ADAMTS10: variants seen among roughly 807,000 people sequenced by gnomAD.
ADAMTS10 encodes ADAM metallopeptidase with thrombospondin type 1 motif 10, also known as A disintegrin and metalloproteinase with thrombospondin motifs 10.
Under a neutral mutation model 135.9 loss-of-function variants are expected in ADAMTS10, and 48 were observed. The ratio of observed to expected loss-of-function variants is 0.35; its 90% CI spans 0.28 to 0.45. The LOEUF (loss-of-function observed/expected upper bound fraction) is 0.45, where lower values mean the gene tolerates loss of function less well. ADAMTS10 is among the 20% of genes least tolerant of loss of function. The pLI is 1.00. For synonymous variants in ADAMTS10, 621 were observed against 647.5 expected (o/e 0.96, Z 0.62); for missense variants, 1,131 against 1,565.2 (o/e 0.72, Z 4.68).
At position 8,596,726 on chromosome 19, in the gene ADAMTS10, T is replaced by C; in HGVS notation, c.1041-141A>G. The C allele has an allele frequency of 8.9e-7, 1 of 1,125,258 alleles. No homozygotes were observed. The highest frequency in any genetic ancestry group is 1.5e-5 in the South Asian group (1 of 68,908). The allele number at this position is 1,125,258 out of a possible 1,614,324, so 69.7% of individuals were successfully genotyped here. Reference sequence around the variant, plus strand: ...ACCTGAAGCTGCATACAGGAGTGACTGACCACATGAATGAATGAATGCATG... The same window carrying C: ...ACCTGAAGCTGCATACAGGAGTGACCGACCACATGAATGAATGAATGCATG... On this transcript the variant is annotated intron_variant, in intron 8 of 25. Transcript: ENST00000597188. The surrounding 1 kb of genome is among the most constrained non-coding windows in gnomAD (Gnocchi z 7.2).
intron 1 of ADAMTS10, among the ~76,000 whole-genome samples, chr19:8,610,000 CAGAG>C (rs1161376023): frequency 6.6e-6 from 1 of 151,910 alleles, no homozygotes; most frequent in African/African-American, 2.4e-5. Context: ...CGGGACAAGA[CAGAG>C]AAACACGCGG....
chr19:8,600,636 C>G (rs1311796928), intron 6 of ADAMTS10, among the ~76,000 whole-genome samples: 1 of 151,350 alleles, frequency 6.6e-6, no homozygotes, highest in Non-Finnish European at 1.5e-5. Flanking sequence ...GTAGCTGGGA[C>G]TACAGGCGCC....
At chr19:8,586,057 C>A in intron 22 of ADAMTS10, 65 bp downstream of exon 22, 2 of 1,610,272 alleles carry the variant, frequency 1.2e-6, no homozygotes, top group Admixed American at 1.7e-5. Flanking sequence ...CTGGAGCACT[C>A]GCTCTTGACT....
At chr19:8,585,349 C>T (rs2042412598) in intron 23 of ADAMTS10, 41 bp from the exon 24 acceptor site, 1 of 1,533,892 alleles carries the variant, frequency 6.5e-7, no homozygotes, top group Non-Finnish European at 8.7e-7. Context: ...GGTGCTGCCC[C>T]AGTGCGAAGT....
rs1555742409 is a variant in ADAMTS10, at chr19:8,605,468, T to G, written c.89-110A>C. 1 of 1,469,400 alleles carries G rather than the reference T, an allele frequency of 6.8e-7. No homozygotes were observed. Among genetic ancestry groups the G allele is most frequent in the African/African-American group, 1.4e-5 (1 of 71,384 alleles). The allele number at this position is 1,469,400 out of a possible 1,614,324, so 91.0% of individuals were successfully genotyped here. On this transcript the variant is annotated intron_variant, in intron 3 of 25. Coordinates refer to ENST00000597188, the MANE Select transcript of ADAMTS10 (RefSeq NM_030957.4). This position sits in a 1 kb window ranked among gnomAD's most constrained non-coding sequence, Gnocchi z 7.7. ...ATGCTGGCCTCACTGACCCCCGAAA[T>G]CCAGGGAGTTGGCTGCAAGGCTCCC...
At chr19:8,603,399 C>T (rs782749425) in intron 5 of ADAMTS10, among the ~76,000 whole-genome samples, 17 of 152,078 alleles carry the variant, frequency 1.1e-4, no homozygotes, top group African/African-American at 3.1e-4. Context: ...CTCAGCCTCC[C>T]GAGTAGCTGG....
In ADAMTS10 at chr19:8,585,279, G is replaced by C. The variant is rs574540863; in HGVS notation, c.2895C>G (p.Arg965=). 15 of 1,515,186 alleles carry C rather than the reference G, an allele frequency of 9.9e-6. No individual in the cohort carries two copies. In the South Asian group the frequency reaches 1.6e-4, roughly 16 times the overall value. 93.9% of individuals were successfully genotyped at this position (1,515,186 alleles called of 1,614,324 possible). ...ECTPSCGPGL[R]HRVVLCKSAD... is the part of the protein sequence containing the mutation. ...CGCTCTTGCAAAGGACCACGCGGTG[G>C]CGGAGGCCCGGCCCGCAGCTGGGGG... Residue 965 remains arginine, a synonymous_variant, in exon 24 of 26, where the codon CGC becomes CGG. Transcript: ENST00000597188.
intron 16 of ADAMTS10, 92 bp from the exon 17 acceptor site, chr19:8,589,677 C>T: frequency 1.3e-6 from 2 of 1,581,028 alleles, no homozygotes; most frequent in Non-Finnish European, 1.7e-6. Context: ...GGGACAGACC[C>T]CAGACCCAAG....
intron 25 of ADAMTS10, among the ~76,000 whole-genome samples, chr19:8,582,160 C>T (rs1038280402): frequency 2.0e-5 from 3 of 152,142 alleles, no homozygotes; most frequent in South Asian, 2.1e-4. Flanking sequence ...AATCCTCACT[C>T]GTTTTCTTTT....
Position 8,600,816 on chromosome 19 carries a change from C to A in ADAMTS10, c.810+112G>T, listed in dbSNP as rs1469368282. 3.6e-6 allele frequency: 5 copies of A among 1,378,346 alleles called. No individual in the cohort carries two copies. In the African/African-American group the frequency reaches 7.1e-5, roughly 20 times the overall value. 85.4% of individuals were successfully genotyped at this position (1,378,346 alleles called of 1,614,324 possible). A position where few individuals can be genotyped will look rare whatever the true frequency, so the allele number is the denominator to read the frequency against. ...CCCGGCCTGCAACCTTCCTTTCTAC[C>A]CCTGTCCCCACGTCAGGGATTGGGG... On this transcript the variant is annotated intron_variant, in intron 6 of 25. Coordinates refer to ENST00000597188, the MANE Select transcript of ADAMTS10 (RefSeq NM_030957.4).
intron 25 of ADAMTS10, among the ~76,000 whole-genome samples, chr19:8,581,860 C>CAAAAAAAAAAAAAAAAAAAAAAAAAA (rs71286209): frequency 7.8e-6 from 1 of 127,654 alleles, no homozygotes. Context: ...AACAAAAAAA[C>CAAAAAAAAAAAAAAAAAAAAAAAAAA]AAAAAAAAAA....
intron 25 of ADAMTS10, among the ~76,000 whole-genome samples, chr19:8,581,860 C>CAAAAAAAAAAAAAAAAAAAAAA (rs71286209): frequency 1.6e-5 from 2 of 127,648 alleles, no homozygotes; most frequent in Admixed American, 7.8e-5. Context: ...AACAAAAAAA[C>CAAAAAAAAAAAAAAAAAAAAAA]AAAAAAAAAA....
rs782626611 is a variant in ADAMTS10, at chr19:8,605,090, C to A, written c.357G>T (p.Arg119=). ...GGTGACCAGCGTAGAGGCAGTGGGG[C>A]CGGGCCGCCCTCTGCCAGGCCAGGC... The part of the protein sequence containing the change: ...REGLAWQRAA[R]PHCLYAGHLQ... The change falls in exon 4 of 26, where the codon CGG becomes CGT. Residue 119 remains arginine (R), a synonymous_variant. Coordinates refer to ENST00000597188, the MANE Select transcript of ADAMTS10 (RefSeq NM_030957.4). This position sits in a 1 kb window ranked among gnomAD's most constrained non-coding sequence, Gnocchi z 7.7. 1 of 1,612,708 alleles carries A rather than the reference C, an allele frequency of 6.2e-7. No homozygotes were observed.
At chr19:8,582,166 CT>C (rs1297610662) in intron 25 of ADAMTS10, among the ~76,000 whole-genome samples, 2 of 152,010 alleles carry the variant, frequency 1.3e-5, no homozygotes, top group Non-Finnish European at 2.9e-5. Context: ...CACTCGTTTT[CT>C]TTTTTAATAA....
Position 8,585,492 on chromosome 19 carries a change from A to G in ADAMTS10, c.2829T>C (p.Thr943=). Residue 943 remains threonine (T), a synonymous_variant, in exon 23 of 26, where the codon ACT becomes ACC. Transcript: ENST00000597188. ...PPVLEACHGP[T]CPPEWAALDW... is the part of the protein sequence containing the mutation. ...CGAGGGCCGCCCACTCCGGAGGGCA[A>G]GTGGGGCCGTGGCAGGCCTCCAGTA... 1 of 1,540,308 alleles carries G rather than the reference A, an allele frequency of 6.5e-7. No homozygotes were observed. Among genetic ancestry groups the G allele is most frequent in the Non-Finnish European group, 8.8e-7 (1 of 1,140,814 alleles).
rs1555742395 is a variant in ADAMTS10, at chr19:8,605,406, C to A, written c.89-48G>T. On this transcript the variant is annotated intron_variant, in intron 3 of 25. Coordinates refer to ENST00000597188, the MANE Select transcript of ADAMTS10 (RefSeq NM_030957.4). This position sits in a 1 kb window ranked among gnomAD's most constrained non-coding sequence, Gnocchi z 7.7. ...TGGGGTGGGCCCTGGTCTTATTGGACCCCTGTGTCCTGGCTGTTAGGCTGC... is the reference window on the plus strand; with the variant it reads ...TGGGGTGGGCCCTGGTCTTATTGGAACCCTGTGTCCTGGCTGTTAGGCTGC... 2 of 1,535,866 alleles carry A rather than the reference C, an allele frequency of 1.3e-6. No individual in the cohort carries two copies. The highest frequency in any genetic ancestry group is 1.8e-6 in the Non-Finnish European group (2 of 1,132,096).
At position 8,589,554 on chromosome 19, in the gene ADAMTS10, T is replaced by C. The variant is rs1600100995; in HGVS notation, c.1932A>G (p.Leu644=). 6.2e-7 allele frequency: 1 copy of C among 1,613,276 alleles called. No individual in the cohort carries two copies. Among genetic ancestry groups the C allele is most frequent in the Admixed American group, 1.7e-5 (1 of 59,996 alleles). The change falls in exon 17 of 26, where the codon CTA becomes CTG. Residue 644 remains leucine, a synonymous_variant. Coordinates refer to ENST00000597188, the MANE Select transcript of ADAMTS10 (RefSeq NM_030957.4). ...GGVKACSLTC[L]AEGFNFYTER... ...CCGTGTAGAAGTTGAAGCCTTCCGC[T>C]AGGCACGTGAGCGAGCAGGCCTTCA...
chr19:8,604,605 C>T (rs1555742119), intron 4 of ADAMTS10, among the ~76,000 whole-genome samples: 1 of 151,722 alleles, frequency 6.6e-6, no homozygotes, highest in African/African-American at 2.4e-5. Flanking sequence ...CCTCAGCCTC[C>T]TGAGTAGCTA....
At position 8,595,844 on chromosome 19, in the gene ADAMTS10, G is replaced by A. The variant is rs781931044; in HGVS notation, c.1397C>T (p.Thr466Ile). 1.9e-6 allele frequency: 3 copies of A among 1,614,226 alleles called. No individual in the cohort carries two copies. The change falls in exon 12 of 26, where the codon ACA (threonine) becomes ATA (isoleucine). Residue 466 changes from threonine to isoleucine, a missense_variant. Physicochemically the swap from Thr to Ile is moderately conservative, Grantham distance 89. Coordinates refer to ENST00000597188, the MANE Select transcript of ADAMTS10 (RefSeq NM_030957.4). Reference sequence around the variant, plus strand: ...ATCGTAGGCTTGGCCCGGTGCCACTGTCGGGTACACAAAGTCCTGTCTGGG... The same window carrying A: ...ATCGTAGGCTTGGCCCGGTGCCACTATCGGGTACACAAAGTCCTGTCTGGG... ...RPPRQDFVYP[T>I]VAPGQAYDAD...
Sources: allele counts gnomAD v4.1 joint callset (sites outside exome capture counted in the v4.1 genomes callset), GRCh38; gene constraint gnomAD v4.1.1; non-coding constraint Gnocchi (gnomAD v3.1); transcripts MANE v1.5; gene names NCBI Gene and HGNC (gene_info 2026-07-23, HGNC 2026-07-21).